The following NBAS variants were observed in gnomAD, a reference collection of about 807,000 sequenced individuals.
NBAS encodes NBAS subunit of NRZ tethering complex, also known as NAG/BC035112 fusion.
A neutral mutation model predicts 302.5 loss-of-function variants in NBAS; 219 were observed. That is an observed-to-expected ratio of 0.72 (90% CI 0.65 to 0.81). The LOEUF (loss-of-function observed/expected upper bound fraction) is 0.81. NBAS is among the 30% of genes least tolerant of loss of function. The pLI is 0.00. For synonymous variants in NBAS, 1,118 were observed against 1,021.6 expected (o/e 1.09, Z -1.80); for missense variants, 2,932 against 2,841.6 (o/e 1.03, Z -0.72).
rs570641099 is a variant in NBAS, at chr2:15,262,822, C to T, written c.5724+12662G>A. Among the ~76,000 whole-genome samples, 5 of 152,194 alleles carry T rather than the reference C, an allele frequency of 3.3e-5. No homozygotes were observed. The East Asian group carries it at 9.7e-4, about 29-fold the overall frequency. On this transcript the variant is annotated intron_variant, in intron 44 of 51. Coordinates refer to ENST00000281513, the MANE Select transcript of NBAS (RefSeq NM_015909.4). ...TTACTCATAGGGTGGCATAAAAAGG[C>T]CCTCATCAGATGAGGCATACTGGAC... is the stretch of plus-strand genomic sequence containing the variant.
the NBAS span, among the ~76,000 whole-genome samples, chr2:14,857,754 C>T: frequency 3.9e-3 from 600 of 152,218 alleles, 2 homozygotes; most frequent in Non-Finnish European, 7.1e-3. Context: ...CTCCAGGACA[C>T]TGGATTGGGC....
chr2:15,186,987 T>G (rs985615196), intron 49 of NBAS, 107 bp from the exon 50 acceptor site: 60 of 1,490,642 alleles, frequency 4.0e-5, no homozygotes, highest in Non-Finnish European at 5.4e-5. Context: ...ACAATCAGAA[T>G]CTAGGTGACG....
the NBAS span, among the ~76,000 whole-genome samples, chr2:15,059,554 A>C: frequency 1.3e-5 from 2 of 152,040 alleles, no homozygotes; most frequent in Non-Finnish European, 2.9e-5. Context: ...CCCTTCAGAG[A>C]CCACCTCACA....
intron 46 of NBAS, among the ~76,000 whole-genome samples, chr2:15,233,909 T>C (rs559127278): frequency 6.6e-6 from 1 of 152,334 alleles, no homozygotes; most frequent in Admixed American, 6.5e-5. Flanking sequence ...CTAAATCTTT[T>C]AGCCTAATTG....
intron 11 of NBAS, among the ~76,000 whole-genome samples, chr2:15,500,644 A>T (rs913061679): frequency 1.0e-5 from 1 of 100,134 alleles, no homozygotes; most frequent in Non-Finnish European, 2.5e-5. Flanking sequence ...TTTGAAAAAT[A>T]AAAAAAAAAG....
the NBAS span, among the ~76,000 whole-genome samples, chr2:14,813,507 G>T: frequency 6.6e-6 from 1 of 152,168 alleles, no homozygotes; most frequent in East Asian, 1.9e-4. Flanking sequence ...CTTTAAACTT[G>T]AGAGAGATAA....
intron 41 of NBAS, among the ~76,000 whole-genome samples, chr2:15,289,420 GTATT>G (rs1429888819): frequency 6.6e-6 from 1 of 152,128 alleles, no homozygotes; most frequent in African/African-American, 2.4e-5. Flanking sequence ...GTCTCTTGAA[GTATT>G]TATTTGAGTA....
chr2:15,434,308 G>C (rs888340926), intron 21 of NBAS, among the ~76,000 whole-genome samples: 3 of 152,100 alleles, frequency 2.0e-5, no homozygotes, highest in Non-Finnish European at 4.4e-5. Flanking sequence ...GATGACATGA[G>C]AAGTCACTGG....
the NBAS span, among the ~76,000 whole-genome samples, chr2:15,125,220 A>G: frequency 6.6e-6 from 1 of 152,358 alleles, no homozygotes; most frequent in East Asian, 1.9e-4. Flanking sequence ...TGGGTAATTT[A>G]TAAAGAAAAG....
intron 10 of NBAS, among the ~76,000 whole-genome samples, chr2:15,505,909 AAAGGGTT>A (rs1352491715): frequency 1.3e-5 from 2 of 152,186 alleles, no homozygotes; most frequent in African/African-American, 4.8e-5. Flanking sequence ...GAAGAGTGAA[AAAGGGTT>A]AATAATAAAA....
At chr2:15,232,597 G>T in intron 46 of NBAS, 86 bp from the exon 47 acceptor site, 1 of 1,291,366 alleles carries the variant, frequency 7.7e-7, no homozygotes, top group Non-Finnish European at 1.1e-6. Flanking sequence ...AAATGAACCT[G>T]GCTGGATTTT....
chr2:15,467,538 A>G, intron 18 of NBAS, 126 bp downstream of exon 18: 1 of 1,276,748 alleles, frequency 7.8e-7, no homozygotes, highest in Non-Finnish European at 1.1e-6. Context: ...CAAGGGTAAG[A>G]TAATAGTAAG....
chr2:14,816,765 T>C, the NBAS span, among the ~76,000 whole-genome samples: 1 of 152,240 alleles, frequency 6.6e-6, no homozygotes, highest in African/African-American at 2.4e-5. Context: ...CTACTGTACA[T>C]TCTTTGGGAG....
chr2:15,052,938 A>C, the NBAS span, among the ~76,000 whole-genome samples: 1 of 152,232 alleles, frequency 6.6e-6, no homozygotes, highest in Non-Finnish European at 1.5e-5. Context: ...CTGAAGGGGA[A>C]GAACAGTAGA....
chr2:15,428,383 T>C lies in NBAS; in HGVS notation c.2340-589A>G, dbSNP rs1484828762. 3.9e-5 allele frequency among the ~76,000 whole-genome samples: 6 copies of C among 152,248 alleles called. No homozygotes were observed. The East Asian group carries it at 1.2e-3, about 29-fold the overall frequency. ...CACAGACCTAGAGGACAGGTGATAG[T>C]AAGAGTAAAGGAATGATTCTGCAGG... On this transcript the variant is annotated intron_variant, in intron 21 of 51. Coordinates refer to ENST00000281513, the MANE Select transcript of NBAS (RefSeq NM_015909.4).
intron 44 of NBAS, among the ~76,000 whole-genome samples, chr2:15,259,216 G>T (rs989924097): frequency 2.0e-5 from 3 of 152,122 alleles, no homozygotes; most frequent in African/African-American, 7.2e-5. Flanking sequence ...GATTATTTCT[G>T]ATGCAGAGAA....
the NBAS span, among the ~76,000 whole-genome samples, chr2:14,788,372 A>G: frequency 1.3e-5 from 2 of 152,156 alleles, no homozygotes; most frequent in Non-Finnish European, 2.9e-5. Context: ...GAGGAACTGC[A>G]TTCCTTTGGA....
chr2:14,832,357 G>A, the NBAS span, among the ~76,000 whole-genome samples: 1 of 152,200 alleles, frequency 6.6e-6, no homozygotes, highest in Admixed American at 6.5e-5. Context: ...ACAAAGACCA[G>A]GTAGAGCAGG....
At chr2:14,936,498 C>T in the NBAS span, among the ~76,000 whole-genome samples, 21 of 152,294 alleles carry the variant, frequency 1.4e-4, no homozygotes, top group East Asian at 3.7e-3. Flanking sequence ...GGCTTCCTCA[C>T]GGTGAAATAT....
Sources: gnomAD v4.1 joint callset for allele counts (sites outside exome capture counted in the v4.1 genomes callset) on GRCh38, gnomAD v4.1.1 for gene constraint, MANE v1.5 for transcripts, NCBI Gene and HGNC (gene_info 2026-07-23, HGNC 2026-07-21) for gene names.